The following CAMK2D variants were observed in gnomAD, a reference collection of about 807,000 sequenced individuals.
CAMK2D encodes calcium/calmodulin dependent protein kinase II delta, also known as calcium/calmodulin-dependent protein kinase type II subunit delta.
CAMK2D carries 37 observed loss-of-function variants against 84.0 expected under a neutral mutation model. That is an observed-to-expected ratio of 0.44 (90% CI 0.34 to 0.58). CAMK2D has a LOEUF of 0.58. Ranked by LOEUF, CAMK2D falls within the 20% of genes least tolerant of loss-of-function variation. The pLI is 0.02. For synonymous variants in CAMK2D, 202 were observed against 212.5 expected, an observed-to-expected ratio of 0.95 and a Z score of 0.43; for missense variants, 448 against 652.5, an observed-to-expected ratio of 0.69 and a Z score of 3.41.
chr4:113,733,590 G>A (rs1311392301), intron 2 of CAMK2D, among the ~76,000 whole-genome samples: 2 of 152,146 alleles, frequency 1.3e-5, no homozygotes, highest in Non-Finnish European at 2.9e-5. Flanking sequence ...TACCAATAAC[G>A]TTGAAATTAT....
intron 3 of CAMK2D, among the ~76,000 whole-genome samples, chr4:113,658,922 T>C (rs572378025): frequency 6.6e-6 from 1 of 152,240 alleles, no homozygotes; most frequent in Admixed American, 6.5e-5. Context: ...AAACCTCCAG[T>C]GAGGTAACCA....
chr4:113,598,108 GACTGACA>G (rs1197984136), intron 4 of CAMK2D, among the ~76,000 whole-genome samples: 3 of 152,120 alleles, frequency 2.0e-5, no homozygotes, highest in Non-Finnish European at 4.4e-5. Flanking sequence ...AAAGATAGAA[GACTGACA>G]CTACTCAACA....
intron 3 of CAMK2D, among the ~76,000 whole-genome samples, chr4:113,642,661 C>T (rs2099136871): frequency 6.6e-6 from 1 of 152,156 alleles, no homozygotes; most frequent in African/African-American, 2.4e-5. Flanking sequence ...AAAGAGATGG[C>T]AAAAGCATAC....
At chr4:113,587,644 C>T (rs1281562745) in intron 4 of CAMK2D, among the ~76,000 whole-genome samples, 1 of 152,146 alleles carries the variant, frequency 6.6e-6, no homozygotes, top group African/African-American at 2.4e-5. Context: ...CACAAAGTTA[C>T]AGAAACAATG....
chr4:113,714,663 C>A (rs888290209), intron 2 of CAMK2D, among the ~76,000 whole-genome samples: 2 of 152,088 alleles, frequency 1.3e-5, no homozygotes, highest in African/African-American at 4.8e-5. Context: ...ACAAACAGAC[C>A]TTCTTAAACT....
intron 4 of CAMK2D, among the ~76,000 whole-genome samples, chr4:113,584,770 T>C (rs1409371322): frequency 3.3e-5 from 5 of 152,172 alleles, no homozygotes; most frequent in Admixed American, 3.3e-4. Context: ...GAAATGTTGG[T>C]CTTGCAGTTA....
chr4:113,502,662 A>C (rs781517482), intron 15 of CAMK2D, among the ~76,000 whole-genome samples: 7 of 152,176 alleles, frequency 4.6e-5, no homozygotes, highest in Non-Finnish European at 8.8e-5. Context: ...GGAATTGCTT[A>C]AGACACACAG....
intron 2 of CAMK2D, among the ~76,000 whole-genome samples, chr4:113,739,695 A>T (rs1207501608): frequency 6.6e-6 from 1 of 152,172 alleles, no homozygotes; most frequent in Admixed American, 6.5e-5. Context: ...ATCATGGTTA[A>T]ATAAAAACTT....
chr4:113,659,883 C>T lies in CAMK2D; in HGVS notation c.220+1830G>A, dbSNP rs62316662. 8.8e-3 allele frequency among the ~76,000 whole-genome samples: 1,343 copies of T among 152,190 alleles called. 12 individuals carry two copies. The highest frequency in any genetic ancestry group is 0.014 in the Non-Finnish European group (973 of 67,994). ...TAATCAGCTGGCAGTATGTTTTGTT[C>T]CTACTATACACCTAGAAATGTAACT... On this transcript the variant is annotated intron_variant, in intron 3 of 20. Coordinates refer to ENST00000511664, the MANE Select transcript of CAMK2D (RefSeq NM_001321571.2).
intron 16 of CAMK2D, 97 bp from the exon 17 acceptor site, chr4:113,465,701 G>A (rs2097451524): frequency 2.7e-6 from 2 of 752,978 alleles, no homozygotes; most frequent in Admixed American, 1.9e-5. Flanking sequence ...GTCTCACTCT[G>A]TCACCCATGC....
At chr4:113,603,718 T>C (rs1352099685) in intron 4 of CAMK2D, among the ~76,000 whole-genome samples, 2 of 147,288 alleles carry the variant, frequency 1.4e-5, no homozygotes, top group East Asian at 2.0e-4. Flanking sequence ...TTATTATATA[T>C]GTTTCTTGCT....
intron 4 of CAMK2D, among the ~76,000 whole-genome samples, chr4:113,563,468 A>G (rs1348424524): frequency 1.3e-5 from 2 of 151,610 alleles, no homozygotes; most frequent in African/African-American, 4.9e-5. Context: ...TTCTTCCTAT[A>G]TTTTCTTTCC....
intron 7 of CAMK2D, among the ~76,000 whole-genome samples, chr4:113,533,975 T>C (rs2098474026): frequency 6.6e-6 from 1 of 151,986 alleles, no homozygotes; most frequent in Non-Finnish European, 1.5e-5. Flanking sequence ...ACATACTATG[T>C]TTTTTCTTAT....
At chr4:113,696,920 G>A (rs1189703372) in intron 2 of CAMK2D, among the ~76,000 whole-genome samples, 9 of 14,490 alleles carry the variant, frequency 6.2e-4, no homozygotes, top group East Asian at 6.2e-3. Flanking sequence ...GGTCCCATTA[G>A]GAGTACAGAG....
At chr4:113,470,021 T>C (rs1372538806) in intron 16 of CAMK2D, among the ~76,000 whole-genome samples, 1 of 152,046 alleles carries the variant, frequency 6.6e-6, no homozygotes, top group Non-Finnish European at 1.5e-5. Flanking sequence ...CTCTCTCTCT[T>C]TCTTTTTTTT....
chr4:113,752,669 T>C (rs2099620011), intron 2 of CAMK2D, among the ~76,000 whole-genome samples: 1 of 152,168 alleles, frequency 6.6e-6, no homozygotes, highest in South Asian at 2.1e-4. Context: ...ACTTACTGTA[T>C]AGTGAGATAT....
intron 2 of CAMK2D, among the ~76,000 whole-genome samples, chr4:113,663,729 A>T (rs1479519262): frequency 6.6e-6 from 1 of 151,258 alleles, no homozygotes; most frequent in African/African-American, 2.4e-5. Flanking sequence ...TATATAAATC[A>T]TCTGAAAAAT....
intron 16 of CAMK2D, among the ~76,000 whole-genome samples, chr4:113,483,409 C>CT (rs763520561): frequency 0.045 from 6,557 of 145,132 alleles, 368 homozygotes; most frequent in African/African-American, 0.13. Flanking sequence ...CCTTATGCTT[C>CT]TTTTTTTTTT....
At chr4:113,509,951 C>CTGTT (rs1347313178) in intron 12 of CAMK2D, among the ~76,000 whole-genome samples, 1 of 152,174 alleles carries the variant, frequency 6.6e-6, no homozygotes, top group Non-Finnish European at 1.5e-5. Flanking sequence ...CTTTATTTCA[C>CTGTT]TGTTGGTTGT....
Sources: gnomAD v4.1 joint callset for allele counts (sites outside exome capture counted in the v4.1 genomes callset) on GRCh38, gnomAD v4.1.1 for gene constraint, MANE v1.5 for transcripts, NCBI Gene and HGNC (gene_info 2026-07-23, HGNC 2026-07-21) for gene names.